Variants in ZFPM2 observed in about 807,000 individuals in gnomAD.
ZFPM2 encodes zinc finger protein, FOG family member 2.
In ZFPM2, 20 loss-of-function variants were observed where a neutral mutation model predicts 98.6. The observed-to-expected ratio is 0.20, with a 90% confidence interval of 0.14 to 0.29. ZFPM2 has a LOEUF of 0.29. Among genes scored for constraint, ZFPM2 ranks in the 10% least tolerant of loss-of-function variants. ZFPM2 has a pLI of 1.00. For missense variants in ZFPM2, 1,310 were observed against 1,388.6 expected, an observed-to-expected ratio of 0.94 and a Z score of 0.90; for synonymous variants, 518 against 502.7, an observed-to-expected ratio of 1.03 and a Z score of -0.41.
At chr8:105,438,790 G>T (rs764819157) in intron 2 of ZFPM2, among the ~76,000 whole-genome samples, 2 of 152,120 alleles carry the variant, frequency 1.3e-5, no homozygotes, top group Non-Finnish European at 2.9e-5. Context: ...AATACCTCCA[G>T]TGCATCTCAT....
At chr8:105,564,590 C>A (rs1815206931) in intron 4 of ZFPM2, among the ~76,000 whole-genome samples, 1 of 152,004 alleles carries the variant, frequency 6.6e-6, no homozygotes, top group Non-Finnish European at 1.5e-5. Context: ...GAATTTGGTT[C>A]TATCATAAAT....
intron 5 of ZFPM2, among the ~76,000 whole-genome samples, chr8:105,637,449 T>A (rs1174646833): frequency 2.6e-5 from 4 of 152,170 alleles, no homozygotes; most frequent in African/African-American, 9.6e-5. Context: ...ATGCTGCTAT[T>A]AATGATCTAG....
At chr8:105,349,567 T>C (rs187977450) in intron 1 of ZFPM2, among the ~76,000 whole-genome samples, 1 of 152,134 alleles carries the variant, frequency 6.6e-6, no homozygotes, top group African/African-American at 2.4e-5. Flanking sequence ...TACATTCACT[T>C]TTAGGTCAAC....
chr8:105,359,552 T>C (rs1438635529), intron 1 of ZFPM2, among the ~76,000 whole-genome samples: 1 of 151,854 alleles, frequency 6.6e-6, no homozygotes, highest in Non-Finnish European at 1.5e-5. Flanking sequence ...TTTTTTGTAT[T>C]TTTAGTAGAG....
intron 4 of ZFPM2, among the ~76,000 whole-genome samples, chr8:105,628,628 CT>C (rs1345146326): frequency 6.6e-6 from 1 of 152,168 alleles, no homozygotes; most frequent in Non-Finnish European, 1.5e-5. Context: ...AGCAGCTTGA[CT>C]TCAAAGGGAT....
At chr8:105,496,009 A>G (rs541265131) in intron 3 of ZFPM2, among the ~76,000 whole-genome samples, 1 of 152,188 alleles carries the variant, frequency 6.6e-6, no homozygotes, top group African/African-American at 2.4e-5. Context: ...TTAGGATTAC[A>G]AAAAAGCCGG....
chr8:105,773,993 G>C (rs1813041767), intron 5 of ZFPM2, among the ~76,000 whole-genome samples: 2 of 152,266 alleles, frequency 1.3e-5, no homozygotes, highest in South Asian at 2.1e-4. Context: ...GAAAGAATTA[G>C]ACTTCACATA....
intron 5 of ZFPM2, among the ~76,000 whole-genome samples, chr8:105,638,446 C>G (rs376271236): frequency 1.3e-5 from 2 of 151,972 alleles, no homozygotes; most frequent in African/African-American, 4.8e-5. Context: ...CTCTCATGGA[C>G]GATGAAAATT....
intron 5 of ZFPM2, chr8:105,679,097 A>G (rs1190630388): frequency 6.6e-6 from 1 of 152,216 alleles, no homozygotes; most frequent in Non-Finnish European, 1.5e-5. Context: ...AGGAATATGT[A>G]CAACAGAGGA....
intron 3 of ZFPM2, among the ~76,000 whole-genome samples, chr8:105,551,947 G>A (rs1814863292): frequency 1.3e-5 from 1 of 74,714 alleles, no homozygotes; most frequent in Non-Finnish European, 2.3e-5. Context: ...AATGACTTGT[G>A]ATAAGTTCTA....
At chr8:105,443,328 A>AAAAAAAAAAAAAAAAAAAAC (rs1563661173) in intron 2 of ZFPM2, among the ~76,000 whole-genome samples, 17 of 146,534 alleles carry the variant, frequency 1.2e-4, no homozygotes, top group African/African-American at 4.1e-4. Context: ...ACAAAAAACA[A>AAAAAAAAAAAAAAAAAAAAC]AAAAAAAAAA....
At chr8:105,556,089 A>G (rs1309926076) in intron 3 of ZFPM2, among the ~76,000 whole-genome samples, 1 of 152,156 alleles carries the variant, frequency 6.6e-6, no homozygotes, top group Non-Finnish European at 1.5e-5. Flanking sequence ...TAAATGGGTA[A>G]CATGATGAAA....
At chr8:105,524,946 C>T (rs1403680294) in intron 3 of ZFPM2, among the ~76,000 whole-genome samples, 3 of 152,052 alleles carry the variant, frequency 2.0e-5, no homozygotes, top group South Asian at 2.1e-4. Context: ...TTGTTCTTTT[C>T]GTCTCGCTGA....
At chr8:105,657,521 A>C (rs1817308824) in intron 5 of ZFPM2, among the ~76,000 whole-genome samples, 2 of 152,194 alleles carry the variant, frequency 1.3e-5, no homozygotes, top group Admixed American at 1.3e-4. Context: ...CAGTCATGCC[A>C]AACAGAACTG....
intron 5 of ZFPM2, among the ~76,000 whole-genome samples, chr8:105,766,422 A>T (rs1407880471): frequency 2.0e-5 from 3 of 151,866 alleles, no homozygotes; most frequent in African/African-American, 7.2e-5. Context: ...CCTATAGGCA[A>T]TGGAGAGCCA....
chr8:105,326,314 T>C (rs1447398676), intron 1 of ZFPM2, among the ~76,000 whole-genome samples: 2 of 151,732 alleles, frequency 1.3e-5, no homozygotes, highest in Non-Finnish European at 3.0e-5. Flanking sequence ...TAAAATCAGA[T>C]CATTGGAAAT....
intron 3 of ZFPM2, among the ~76,000 whole-genome samples, chr8:105,499,829 G>A (rs1292799022): frequency 2.6e-5 from 4 of 152,136 alleles, no homozygotes; most frequent in East Asian, 3.8e-4. Context: ...GTGGAGGTTG[G>A]GGGAAGTTTG....
At chr8:105,408,592 C>T (rs1811514062) in intron 1 of ZFPM2, among the ~76,000 whole-genome samples, 1 of 151,828 alleles carries the variant, frequency 6.6e-6, no homozygotes, top group African/African-American at 2.4e-5. Context: ...TGGAAAATTA[C>T]ACATACACCT....
chr8:105,657,465 T>C (rs1817307655), intron 5 of ZFPM2, among the ~76,000 whole-genome samples: 1 of 152,106 alleles, frequency 6.6e-6, no homozygotes, highest in Non-Finnish European at 1.5e-5. Context: ...CTTAAGAGAT[T>C]TTGCATTATA....
Sources: allele counts gnomAD v4.1 joint callset (sites outside exome capture counted in the v4.1 genomes callset), GRCh38; gene constraint gnomAD v4.1.1; transcripts MANE v1.5; gene names NCBI Gene and HGNC (gene_info 2026-07-23, HGNC 2026-07-21).